The following KHDRBS2 variants were observed in gnomAD, a reference collection of about 807,000 sequenced individuals.
The protein encoded by KHDRBS2 is KH RNA binding domain containing, signal transduction associated 2.
KHDRBS2 carries 26 observed loss-of-function variants against 44.3 expected under a neutral mutation model. The ratio of observed to expected loss-of-function variants is 0.59; its 90% confidence interval spans 0.43 to 0.81. The LOEUF is 0.81. Among genes scored for constraint, KHDRBS2 ranks in the 40% least tolerant of loss-of-function variants. The pLI is 0.00. For missense variants in KHDRBS2, 476 were observed against 433.1 expected (o/e 1.10, Z -0.88); for synonymous variants, 194 against 151.1 (o/e 1.28, Z -2.08).
chr6:62,268,136 A>G (rs1839501628), intron 1 of KHDRBS2, among the ~76,000 whole-genome samples: 1 of 151,984 alleles, frequency 6.6e-6, no homozygotes, highest in African/African-American at 2.4e-5. Flanking sequence ...CTAAATGCAA[A>G]CAAAGATTTT....
intron 4 of KHDRBS2, among the ~76,000 whole-genome samples, chr6:61,933,639 T>C (rs1054184949): frequency 1.3e-5 from 2 of 152,144 alleles, no homozygotes; most frequent in Non-Finnish European, 2.9e-5. Flanking sequence ...GCTCTAAACC[T>C]GTTCAGCATG....
chr6:62,268,645 G>A (rs1280165206), intron 1 of KHDRBS2, among the ~76,000 whole-genome samples: 8 of 151,792 alleles, frequency 5.3e-5, no homozygotes, highest in South Asian at 2.1e-4. Flanking sequence ...AAGCTTACAC[G>A]GTCCTTTTTA....
intron 4 of KHDRBS2, among the ~76,000 whole-genome samples, chr6:61,975,450 T>C (rs986120199): frequency 7.9e-5 from 12 of 152,180 alleles, no homozygotes; most frequent in African/African-American, 2.9e-4. Flanking sequence ...CCAAGTCATT[T>C]CATAGAATAA....
rs1813018937 is a variant in KHDRBS2 at position 61,945,111 on chromosome 6, AAGTATATATATATATATATATATATAT to A, written c.483+32928_483+32954del. ...GTCTTAAAAAAAAAAAAAAAAAAAA[AAGTATATATATATATATATATATATAT>A]ATATATATATATACACACAGACTTG... On this transcript the variant is annotated intron_variant, in intron 4 of 8. Transcript: ENST00000281156. Among the ~76,000 whole-genome samples the A allele has an allele frequency of 7.9e-5, 3 of 37,776 alleles. 1 individual carries two copies. The highest frequency in any genetic ancestry group is 3.9e-4 in the African/African-American group (3 of 7,780). 24.8% of individuals were successfully genotyped at this position (37,776 alleles called of 152,430 possible).
At chr6:62,032,356 T>A (rs1784492760) in intron 3 of KHDRBS2, among the ~76,000 whole-genome samples, 1 of 151,924 alleles carries the variant, frequency 6.6e-6, no homozygotes, top group African/African-American at 2.4e-5. Context: ...TGGCCTAGTC[T>A]CCTAGACTGT....
chr6:61,944,980 A>G (rs1484118107), intron 4 of KHDRBS2, among the ~76,000 whole-genome samples: 2 of 150,200 alleles, frequency 1.3e-5, no homozygotes, highest in Non-Finnish European at 3.0e-5. Flanking sequence ...AATCCCAGCT[A>G]CTCGAGAGGC....
At chr6:61,664,535 A>G in the KHDRBS2 span, among the ~76,000 whole-genome samples, 7 of 151,738 alleles carry the variant, frequency 4.6e-5, no homozygotes, top group African/African-American at 1.7e-4. Context: ...ATCCTGATGT[A>G]TACATATTTT....
intron 1 of KHDRBS2, among the ~76,000 whole-genome samples, chr6:62,257,955 T>C (rs1057264712): frequency 7.2e-5 from 11 of 152,142 alleles, no homozygotes; most frequent in African/African-American, 2.4e-4. Flanking sequence ...TAGTTACCAA[T>C]AGAAATTGAG....
At chr6:61,867,264 C>G (rs1797931704) in intron 6 of KHDRBS2, among the ~76,000 whole-genome samples, 1 of 152,096 alleles carries the variant, frequency 6.6e-6, no homozygotes, top group African/African-American at 2.4e-5. Flanking sequence ...TGGCAGCAGG[C>G]AAAAAGAGAG....
intron 6 of KHDRBS2, among the ~76,000 whole-genome samples, chr6:61,753,595 A>G (rs1192768206): frequency 6.6e-6 from 1 of 151,998 alleles, no homozygotes; most frequent in Non-Finnish European, 1.5e-5. Context: ...TCGAATTTTT[A>G]TTTTCCTCCT....
intron 2 of KHDRBS2, among the ~76,000 whole-genome samples, chr6:62,169,174 T>TAC (rs1229638785): frequency 1.5e-5 from 2 of 135,612 alleles, no homozygotes; most frequent in East Asian, 2.1e-4. Flanking sequence ...CATATATGTA[T>TAC]ATATGTATAT....
At chr6:61,599,163 T>C in the KHDRBS2 span, among the ~76,000 whole-genome samples, 1 of 152,072 alleles carries the variant, frequency 6.6e-6, no homozygotes, top group African/African-American at 2.4e-5. Context: ...CTCGAACTCC[T>C]GACCTTGTGA....
intron 1 of KHDRBS2, among the ~76,000 whole-genome samples, chr6:62,270,377 C>T: frequency 7.0e-6 from 1 of 142,764 alleles, no homozygotes; most frequent in Admixed American, 7.3e-5. Context: ...ATCAGCTCCT[C>T]TTCCATTTCT....
chr6:61,992,720 C>T (rs560411435), intron 3 of KHDRBS2, among the ~76,000 whole-genome samples: 4 of 152,250 alleles, frequency 2.6e-5, no homozygotes, highest in African/African-American at 7.2e-5. Context: ...AATCTCTACA[C>T]ACATTTGTAT....
At chr6:61,767,150 ATATATT>A (rs1426867954) in intron 6 of KHDRBS2, among the ~76,000 whole-genome samples, 2 of 152,044 alleles carry the variant, frequency 1.3e-5, no homozygotes, top group African/African-American at 4.8e-5. Context: ...TTGGGTACAT[ATATATT>A]TATAATTGTT....
intron 1 of KHDRBS2, among the ~76,000 whole-genome samples, chr6:62,266,348 C>A (rs933588268): frequency 6.6e-6 from 1 of 151,940 alleles, no homozygotes; most frequent in African/African-American, 2.4e-5. Flanking sequence ...TGCTTCTTTG[C>A]CCCTACATGA....
At chr6:62,070,712 G>A (rs1439599582) in intron 2 of KHDRBS2, among the ~76,000 whole-genome samples, 3 of 151,984 alleles carry the variant, frequency 2.0e-5, no homozygotes, top group East Asian at 1.9e-4. Flanking sequence ...GTGTATATGT[G>A]CCACATTTTC....
At chr6:61,799,502 A>G (rs919536988) in intron 6 of KHDRBS2, among the ~76,000 whole-genome samples, 1 of 152,024 alleles carries the variant, frequency 6.6e-6, no homozygotes, top group Non-Finnish European at 1.5e-5. Context: ...AAGAGTTTCT[A>G]ATAGAAATCA....
chr6:61,931,292 A>G (rs1259762572), intron 4 of KHDRBS2, among the ~76,000 whole-genome samples: 1 of 152,002 alleles, frequency 6.6e-6, no homozygotes, highest in East Asian at 1.9e-4. Flanking sequence ...TCTGAAGGTC[A>G]TTTACTGAAA....
Sources: allele counts gnomAD v4.1 joint callset (sites outside exome capture counted in the v4.1 genomes callset), GRCh38; gene constraint gnomAD v4.1.1; transcripts MANE v1.5; gene names NCBI Gene and HGNC (gene_info 2026-07-23, HGNC 2026-07-21).